CRIM1: variants seen among roughly 807,000 people sequenced by gnomAD.
CRIM1 encodes cysteine rich transmembrane BMP regulator 1.
A neutral mutation model predicts 116.4 loss-of-function variants in CRIM1; 32 were observed. The ratio of observed to expected loss-of-function variants is 0.27; its 90% CI spans 0.21 to 0.37. The LOEUF is 0.37. Among genes scored for constraint, CRIM1 ranks in the 10% least tolerant of loss-of-function variants. The pLI, the probability that CRIM1 is intolerant of heterozygous loss-of-function variation, is 1.00. For synonymous variants in CRIM1, 590 were observed against 509.2 expected (o/e 1.16, Z -2.13); for missense variants, 1,331 against 1,354.8 (o/e 0.98, Z 0.28).
chr2:36,359,328 C>T (rs1193390650), intron 1 of CRIM1, among the ~76,000 whole-genome samples: 1 of 152,276 alleles, frequency 6.6e-6, no homozygotes, highest in East Asian at 1.9e-4. Context: ...TCCCTGCTTT[C>T]GATGACATAA....
chr2:36,396,691 A>C lies in CRIM1; in HGVS notation c.409A>C (p.Asn137His). Residue 137 changes from asparagine (N) to histidine (H), a missense_variant, in exon 2 of 17, where the codon AAT (asparagine) becomes CAT (histidine). By Grantham distance (68) the Asn-to-His change is moderately conservative (BLOSUM62 1). Coordinates refer to ENST00000280527, the MANE Select transcript of CRIM1 (RefSeq NM_016441.3). ...CCTTATTGCTGGCTGCAATATAATCAATGGGAAATGTGAATGTAACACCAT... is the reference window on the plus strand; with the variant it reads ...CCTTATTGCTGGCTGCAATATAATCCATGGGAAATGTGAATGTAACACCAT... ...ENLIAGCNII[N>H]GKCECNTIRT... The C allele has an allele frequency of 6.2e-7, 1 of 1,613,648 alleles. No homozygotes were observed. Among genetic ancestry groups the C allele is most frequent in the Non-Finnish European group, 8.5e-7 (1 of 1,179,570 alleles).
intron 4 of CRIM1, among the ~76,000 whole-genome samples, chr2:36,449,278 C>G (rs1676499701): frequency 6.6e-6 from 1 of 152,132 alleles, no homozygotes; most frequent in Non-Finnish European, 1.5e-5. Flanking sequence ...TGGAAGGGTC[C>G]TAGCCGGTGC....
chr2:36,534,718 A>AGGAAAAGGAAGAT (rs901130880), intron 13 of CRIM1, among the ~76,000 whole-genome samples: 3 of 151,368 alleles, frequency 2.0e-5, no homozygotes, highest in Non-Finnish European at 2.9e-5. Context: ...GACAGGAAGA[A>AGGAAAAGGAAGAT]GGAAAAGGAA....
At chr2:36,417,289 C>T (rs1673693508) in intron 2 of CRIM1, among the ~76,000 whole-genome samples, 1 of 152,184 alleles carries the variant, frequency 6.6e-6, no homozygotes, top group South Asian at 2.1e-4. Flanking sequence ...GTTTGCCTTT[C>T]TTTCCTCTCA....
At chr2:36,542,983 G>A (rs1667054190) in intron 14 of CRIM1, among the ~76,000 whole-genome samples, 1 of 152,194 alleles carries the variant, frequency 6.6e-6, no homozygotes, top group Non-Finnish European at 1.5e-5. Context: ...CCCTGCACCT[G>A]CAAATGGTAA....
intron 4 of CRIM1, among the ~76,000 whole-genome samples, chr2:36,455,283 A>G (rs985128167): frequency 2.0e-5 from 3 of 152,214 alleles, no homozygotes; most frequent in Admixed American, 6.5e-5. Context: ...TAGACTCTCA[A>G]GCCTCTCAGA....
At chr2:36,481,293 A>G (rs947590236) in intron 7 of CRIM1, among the ~76,000 whole-genome samples, 8 of 152,184 alleles carry the variant, frequency 5.3e-5, no homozygotes, top group Admixed American at 3.9e-4. Flanking sequence ...AGATATATAT[A>G]TAACTCATTT....
intron 2 of CRIM1, among the ~76,000 whole-genome samples, chr2:36,439,569 G>A (rs983647810): frequency 6.6e-5 from 10 of 152,082 alleles, no homozygotes; most frequent in Admixed American, 5.9e-4. Context: ...CCACACTGAC[G>A]TTCTTACTCT....
At chr2:36,499,890 C>G (rs949269895) in intron 8 of CRIM1, among the ~76,000 whole-genome samples, 4 of 152,158 alleles carry the variant, frequency 2.6e-5, no homozygotes, top group African/African-American at 7.2e-5. Flanking sequence ...ATTTCGAATT[C>G]CCCTAATTCT....
chr2:36,425,270 A>G (rs1253114399), intron 2 of CRIM1, among the ~76,000 whole-genome samples: 3 of 152,196 alleles, frequency 2.0e-5, no homozygotes, highest in Non-Finnish European at 4.4e-5. Flanking sequence ...GCCTTAATAA[A>G]CAGCTCTAGC....
At chr2:36,530,411 T>C (rs1388660160) in intron 13 of CRIM1, among the ~76,000 whole-genome samples, 2 of 152,158 alleles carry the variant, frequency 1.3e-5, no homozygotes, top group African/African-American at 2.4e-5. Flanking sequence ...GTGAAGCCAG[T>C]TTCTCAAACA....
intron 7 of CRIM1, among the ~76,000 whole-genome samples, chr2:36,484,647 G>T (rs762115140): frequency 6.6e-6 from 1 of 152,062 alleles, no homozygotes; most frequent in Non-Finnish European, 1.5e-5. Flanking sequence ...CTTGGGCTGC[G>T]GCTGGACCCT....
At chr2:36,499,561 A>G in intron 8 of CRIM1, 1 of 520,010 alleles carries the variant, frequency 1.9e-6, no homozygotes, top group Non-Finnish European at 3.3e-6. Context: ...TGTTTCCTTG[A>G]TGGCCAGTTG....
At chr2:36,433,237 CTCCCAG>C (rs1675036272) in intron 2 of CRIM1, among the ~76,000 whole-genome samples, 1 of 148,430 alleles carries the variant, frequency 6.7e-6, no homozygotes, top group Non-Finnish European at 1.5e-5. Context: ...AGCTCCCAAG[CTCCCAG>C]GTGTTGCTGA....
chr2:36,414,314 G>T (rs1408558156), intron 2 of CRIM1, among the ~76,000 whole-genome samples: 2 of 152,188 alleles, frequency 1.3e-5, no homozygotes, highest in Non-Finnish European at 1.5e-5. Context: ...AGCTTGTTTT[G>T]TCTGAAGTTT....
chr2:36,396,867 G>C (rs1223870441), intron 2 of CRIM1, 80 bp downstream of exon 2: 1 of 1,245,692 alleles, frequency 8.0e-7, no homozygotes, highest in Non-Finnish European at 1.1e-6. Context: ...ATTTGAGCTT[G>C]AAAAGGCAAA....
At chr2:36,363,169 C>T (rs1342691906) in intron 1 of CRIM1, among the ~76,000 whole-genome samples, 2 of 147,480 alleles carry the variant, frequency 1.4e-5, no homozygotes, top group African/African-American at 5.1e-5. Flanking sequence ...CACTGCACTC[C>T]AGCCTGGGCG....
intron 2 of CRIM1, among the ~76,000 whole-genome samples, chr2:36,427,131 G>A (rs928178761): frequency 4.0e-5 from 6 of 151,856 alleles, no homozygotes; most frequent in African/African-American, 1.5e-4. Flanking sequence ...AACCTGGGAG[G>A]CAGATGTTGC....
chr2:36,442,124 G>C (rs947368160), intron 3 of CRIM1, among the ~76,000 whole-genome samples: 1 of 152,050 alleles, frequency 6.6e-6, no homozygotes, highest in African/African-American at 2.4e-5. Flanking sequence ...TAACATCCTT[G>C]CTCTTGTGGC....
Sources: allele counts gnomAD v4.1 joint callset (sites outside exome capture counted in the v4.1 genomes callset), GRCh38; gene constraint gnomAD v4.1.1; transcripts MANE v1.5; gene names NCBI Gene and HGNC (gene_info 2026-07-23, HGNC 2026-07-21).